UST: variants seen among roughly 807,000 people sequenced by gnomAD.
UST encodes the protein chondroitin sulfate 2-O-sulfotransferase.
UST carries 21 observed loss-of-function variants against 45.6 expected under a neutral mutation model. The ratio of observed to expected loss-of-function variants is 0.46; its 90% CI spans 0.33 to 0.66. The LOEUF (loss-of-function observed/expected upper bound fraction) is 0.66, where lower values mean the gene tolerates loss of function less well. Ranked by LOEUF, UST falls within the 30% of genes least tolerant of loss-of-function variation. UST has a pLI of 0.02. For synonymous variants in UST, 215 were observed against 200.6 expected (o/e 1.07, Z -0.61); for missense variants, 463 against 512.4 (o/e 0.90, Z 0.93).
intron 5 of UST, among the ~76,000 whole-genome samples, chr6:149,011,024 G>A (rs142763872): frequency 2.0e-5 from 3 of 151,744 alleles, no homozygotes; most frequent in Admixed American, 6.6e-5. Context: ...TCTTGTGTCC[G>A]TAAGTGTTTC....
chr6:149,009,792 G>A (rs1775773994), intron 5 of UST, among the ~76,000 whole-genome samples: 1 of 151,652 alleles, frequency 6.6e-6, no homozygotes, highest in African/African-American at 2.4e-5. Context: ...CATAGAACAA[G>A]AGACAGTTGC....
intron 1 of UST, among the ~76,000 whole-genome samples, chr6:148,862,148 C>T (rs1338945449): frequency 6.6e-6 from 1 of 152,182 alleles, no homozygotes. Flanking sequence ...CTTTGTGGGT[C>T]TCTAAGGACT....
intron 1 of UST, among the ~76,000 whole-genome samples, chr6:148,782,256 G>A (rs1328761288): frequency 2.1e-5 from 3 of 146,004 alleles, no homozygotes; most frequent in African/African-American, 7.4e-5. Context: ...ATTCATGGAA[G>A]AAGGTCAGAA....
chr6:148,964,637 T>C, intron 5 of UST, 74 bp downstream of exon 5: 2 of 1,567,576 alleles, frequency 1.3e-6, no homozygotes, highest in South Asian at 2.3e-5. Flanking sequence ...GAAGGTTCAC[T>C]CTTCCCTTCC....
intron 2 of UST, among the ~76,000 whole-genome samples, chr6:148,930,302 A>T (rs1779897028): frequency 6.6e-6 from 1 of 152,334 alleles, no homozygotes; most frequent in South Asian, 2.1e-4. Context: ...TTATTCAACA[A>T]TTATTTATTG....
chr6:148,950,641 CTCT>C (rs1780346613), intron 3 of UST, among the ~76,000 whole-genome samples: 1 of 152,196 alleles, frequency 6.6e-6, no homozygotes, highest in Non-Finnish European at 1.5e-5. Context: ...TTTGTATCTG[CTCT>C]TCATTATTTG....
chr6:148,922,021 G>A (rs1406791123), intron 2 of UST, among the ~76,000 whole-genome samples: 1 of 152,174 alleles, frequency 6.6e-6, no homozygotes, highest in Non-Finnish European at 1.5e-5. Flanking sequence ...GAGGGGAGTG[G>A]AGAAGAGAGC....
At chr6:148,787,319 T>G (rs1163422128) in intron 1 of UST, among the ~76,000 whole-genome samples, 2 of 152,258 alleles carry the variant, frequency 1.3e-5, no homozygotes, top group Non-Finnish European at 2.9e-5. Flanking sequence ...TTTATAGTTT[T>G]GGGTTTTACA....
At chr6:149,017,386 CAAAA>C (rs1397350492) in intron 5 of UST, among the ~76,000 whole-genome samples, 2 of 148,450 alleles carry the variant, frequency 1.3e-5, no homozygotes, top group African/African-American at 5.1e-5. Flanking sequence ...AAAAAAAAAA[CAAAA>C]AAAGTAAGAT....
At chr6:149,002,020 A>G (rs1781559494) in intron 5 of UST, among the ~76,000 whole-genome samples, 1 of 152,200 alleles carries the variant, frequency 6.6e-6, no homozygotes, top group Non-Finnish European at 1.5e-5. Context: ...CTCATCATCT[A>G]TTTACAAATG....
intron 1 of UST, among the ~76,000 whole-genome samples, chr6:148,885,432 C>T (rs1385057970): frequency 6.6e-6 from 1 of 152,178 alleles, no homozygotes; most frequent in Non-Finnish European, 1.5e-5. Context: ...CAACATAGAT[C>T]TTACATCCTA....
chr6:148,841,738 A>G (rs902938264), intron 1 of UST, among the ~76,000 whole-genome samples: 1 of 152,200 alleles, frequency 6.6e-6, no homozygotes, highest in Non-Finnish European at 1.5e-5. Context: ...TCTCTGAAGA[A>G]TAAGAATGAA....
At chr6:148,922,594 T>G (rs1056599469) in intron 2 of UST, among the ~76,000 whole-genome samples, 4 of 149,252 alleles carry the variant, frequency 2.7e-5, no homozygotes, top group African/African-American at 9.9e-5. Flanking sequence ...GTTCACACCA[T>G]TCTCCTGCCT....
At chr6:148,987,487 C>CA (rs567882255) in intron 5 of UST, among the ~76,000 whole-genome samples, 40 of 149,572 alleles carry the variant, frequency 2.7e-4, no homozygotes, top group South Asian at 1.3e-3. Context: ...ACGTGAATAA[C>CA]AAAAAAAAAA....
At chr6:149,063,100 A>T (rs932600657) in intron 7 of UST, among the ~76,000 whole-genome samples, 3 of 152,146 alleles carry the variant, frequency 2.0e-5, no homozygotes, top group African/African-American at 7.2e-5. Flanking sequence ...CAGGACCGTA[A>T]CTACTCTGTA....
At chr6:149,047,817 A>G (rs1254719988) in intron 7 of UST, among the ~76,000 whole-genome samples, 5 of 152,204 alleles carry the variant, frequency 3.3e-5, no homozygotes, top group African/African-American at 1.2e-4. Context: ...GCTCATCTGG[A>G]AAAAATAAAC....
chr6:148,898,786 G>T (rs1218191709), intron 2 of UST, among the ~76,000 whole-genome samples: 2 of 152,102 alleles, frequency 1.3e-5, no homozygotes, highest in African/African-American at 4.8e-5. Flanking sequence ...ATCCCCAGGG[G>T]CCAGTTATCA....
intron 1 of UST, among the ~76,000 whole-genome samples, chr6:148,839,045 A>G (rs1160475410): frequency 1.3e-5 from 2 of 152,230 alleles, no homozygotes. Flanking sequence ...TTTTAGACCA[A>G]GCACTCCTCA....
At chr6:148,867,339 CGTAT>C (rs1432105540) in intron 1 of UST, among the ~76,000 whole-genome samples, 11 of 147,854 alleles carry the variant, frequency 7.4e-5, no homozygotes, top group Admixed American at 2.7e-4. Flanking sequence ...TATATATGTA[CGTAT>C]GTATGTATTT....
Sources: allele counts gnomAD v4.1 joint callset (sites outside exome capture counted in the v4.1 genomes callset), GRCh38; gene constraint gnomAD v4.1.1; transcripts MANE v1.5; gene names NCBI Gene and HGNC (gene_info 2026-07-23, HGNC 2026-07-21).